Variants in WWOX observed in about 807,000 individuals in gnomAD.
The protein encoded by WWOX is WW domain containing oxidoreductase.
In WWOX, 69 loss-of-function variants were observed where a neutral mutation model predicts 46.2. The ratio of observed to expected loss-of-function variants is 1.49; its 90% CI spans 1.23 to 1.82. The LOEUF is 1.82. Ranked by LOEUF, WWOX falls within the 40% of genes most tolerant of loss-of-function variation. The probability of loss-of-function intolerance (pLI) is 0.00; values close to 1 mark genes in which losing one functional copy is unlikely to be tolerated. For synonymous variants in WWOX, 359 were observed against 202.6 expected (o/e 1.77, Z -6.56); for missense variants, 919 against 542.6 (o/e 1.69, Z -6.89).
intron 8 of WWOX, among the ~76,000 whole-genome samples, chr16:79,110,323 A>C (rs1051069636): frequency 6.6e-6 from 1 of 151,856 alleles, no homozygotes; most frequent in East Asian, 1.9e-4. Context: ...TTTCTCCCCG[A>C]CATGCCCCTG....
At chr16:78,175,343 T>G (rs1485968015) in intron 5 of WWOX, among the ~76,000 whole-genome samples, 3 of 152,220 alleles carry the variant, frequency 2.0e-5, no homozygotes, top group Non-Finnish European at 4.4e-5. Context: ...TTTTAAAGTC[T>G]GTCCACAAAT....
chr16:79,056,997 C>T lies in WWOX; in HGVS notation c.1057-154611C>T, dbSNP rs75001303. On this transcript the variant is annotated intron_variant, in intron 8 of 8. Coordinates refer to ENST00000566780, the MANE Select transcript of WWOX (RefSeq NM_016373.4). ...CTTTTGAAAATGTCATTGGCATTAT[C>T]GTTCACTTTTACAAATACGAAGGAA... Among the ~76,000 whole-genome samples the T allele has an allele frequency of 3.4e-3, 520 of 152,256 alleles. 2 individuals are homozygous for T. Among genetic ancestry groups the T allele is most frequent in the African/African-American group, 0.012 (500 of 41,548 alleles).
intron 8 of WWOX, among the ~76,000 whole-genome samples, chr16:78,458,883 T>C (rs1042267014): frequency 6.6e-6 from 1 of 152,100 alleles, no homozygotes; most frequent in African/African-American, 2.4e-5. Flanking sequence ...TATATTCTTA[T>C]TTGGCCTGGG....
At position 78,778,829 on chromosome 16, in the gene WWOX, C is replaced by T. The variant is rs376205695; in HGVS notation, c.1056+346077C>T. Among the ~76,000 whole-genome samples the T allele has an allele frequency of 4.6e-5, 7 of 152,284 alleles. No individual in the cohort carries two copies. The South Asian group carries it at 1.0e-3, about 23-fold the overall frequency. ...GGAAAGGGAACTGTGTTCGCCAGCT[C>T]GTAAAGCCCCGGCGTCTCCTCCTAG... On this transcript the variant is annotated intron_variant, in intron 8 of 8. Coordinates refer to ENST00000566780, the MANE Select transcript of WWOX (RefSeq NM_016373.4).
intron 5 of WWOX, among the ~76,000 whole-genome samples, chr16:78,265,682 A>G (rs2079347707): frequency 8.6e-6 from 1 of 116,272 alleles, no homozygotes; most frequent in African/African-American, 2.7e-5. Flanking sequence ...CCATGTCAAA[A>G]AAAAAAAAAA....
Position 78,334,490 on chromosome 16 carries a change from T to G in WWOX, c.517-52370T>G, listed in dbSNP as rs187122890. On this transcript the variant is annotated intron_variant, in intron 5 of 8. Coordinates refer to ENST00000566780, the MANE Select transcript of WWOX (RefSeq NM_016373.4). ...TTTCGGTGAGGTGTTACACAATTCATAGCCTAATGGCAAAAATATCAGAAA... is the reference window on the plus strand; with the variant it reads ...TTTCGGTGAGGTGTTACACAATTCAGAGCCTAATGGCAAAAATATCAGAAA... Among the ~76,000 whole-genome samples, 540 of 152,306 alleles carry G rather than the reference T, an allele frequency of 3.5e-3. 2 individuals are homozygous for G. The highest frequency in any genetic ancestry group is 5.9e-3 in the Non-Finnish European group (402 of 68,030).
chr16:78,689,013 C>T (rs1043197184), intron 8 of WWOX, among the ~76,000 whole-genome samples: 1 of 152,152 alleles, frequency 6.6e-6, no homozygotes, highest in African/African-American at 2.4e-5. Flanking sequence ...CTGAGACCTC[C>T]ACAGCCATGC....
chr16:78,913,605 C>T (rs946840992), intron 8 of WWOX, among the ~76,000 whole-genome samples: 3 of 151,716 alleles, frequency 2.0e-5, no homozygotes, highest in African/African-American at 7.3e-5. Flanking sequence ...AAATCTTTTA[C>T]TGTATCATAG....
chr16:78,210,173 T>C (rs770726302), intron 5 of WWOX, among the ~76,000 whole-genome samples: 1 of 152,208 alleles, frequency 6.6e-6, no homozygotes, highest in Non-Finnish European at 1.5e-5. Context: ...TATAAAGACT[T>C]GCTTCAATAT....
chr16:78,959,559 C>G (rs2046233894), intron 8 of WWOX, among the ~76,000 whole-genome samples: 1 of 152,220 alleles, frequency 6.6e-6, no homozygotes, highest in South Asian at 2.1e-4. Flanking sequence ...ATTCATCCAT[C>G]TATCCATCCA....
intron 8 of WWOX, among the ~76,000 whole-genome samples, chr16:78,952,887 T>A (rs2046090387): frequency 6.6e-6 from 1 of 152,136 alleles, no homozygotes; most frequent in Non-Finnish European, 1.5e-5. Context: ...GTGGAATAAT[T>A]CTACAGAGAG....
chr16:78,400,646 G>T (rs1450153171), intron 6 of WWOX, among the ~76,000 whole-genome samples: 4 of 152,138 alleles, frequency 2.6e-5, no homozygotes, highest in Non-Finnish European at 5.9e-5. Flanking sequence ...AGGAAAAGGG[G>T]GAAGGAAGCA....
chr16:78,454,458 GT>G (rs200578242), intron 8 of WWOX, among the ~76,000 whole-genome samples: 3 of 151,688 alleles, frequency 2.0e-5, no homozygotes, highest in Middle Eastern at 3.4e-3. Flanking sequence ...GTGTCCTGCT[GT>G]TTTTTTTCCC....
intron 8 of WWOX, among the ~76,000 whole-genome samples, chr16:79,088,417 G>T (rs1009413121): frequency 3.3e-5 from 5 of 152,186 alleles, no homozygotes; most frequent in Non-Finnish European, 7.3e-5. Flanking sequence ...GCTGAACACC[G>T]TAGGTCTGGC....
chr16:78,775,582 G>C (rs958299100), intron 8 of WWOX, among the ~76,000 whole-genome samples: 1 of 152,106 alleles, frequency 6.6e-6, no homozygotes, highest in Non-Finnish European at 1.5e-5. Context: ...GGAGGGCATG[G>C]TGTTTCACTC....
chr16:78,867,987 A>C (rs1313617301), intron 8 of WWOX, among the ~76,000 whole-genome samples: 1 of 152,232 alleles, frequency 6.6e-6, no homozygotes, highest in African/African-American at 2.4e-5. Context: ...CAGTGCCTTA[A>C]AAAGTTAAAC....
intron 8 of WWOX, among the ~76,000 whole-genome samples, chr16:79,133,661 C>T (rs1457392559): frequency 4.6e-5 from 7 of 152,092 alleles, no homozygotes; most frequent in Non-Finnish European, 1.0e-4. Flanking sequence ...GCTGTCCTTG[C>T]CGGTGGCCTG....
At chr16:78,112,308 A>T (rs1169897509) in intron 3 of WWOX, among the ~76,000 whole-genome samples, 1 of 152,212 alleles carries the variant, frequency 6.6e-6, no homozygotes, top group African/African-American at 2.4e-5. Context: ...TCTCCAAAGC[A>T]TTCGACCACA....
chr16:78,853,868 A>G (rs574896906), intron 8 of WWOX, among the ~76,000 whole-genome samples: 5 of 152,286 alleles, frequency 3.3e-5, no homozygotes, highest in East Asian at 3.9e-4. Context: ...ATGGATGCTG[A>G]CTGTCTGTCT....
Sources: allele counts gnomAD v4.1 joint callset (sites outside exome capture counted in the v4.1 genomes callset), GRCh38; gene constraint gnomAD v4.1.1; transcripts MANE v1.5; gene names NCBI Gene and HGNC (gene_info 2026-07-23, HGNC 2026-07-21).